PLEKHA6: variants seen among roughly 807,000 people sequenced by gnomAD.
The protein encoded by PLEKHA6 is pleckstrin homology domain containing A6.
A neutral mutation model predicts 116.7 loss-of-function variants in PLEKHA6; 60 were observed. That is an observed-to-expected ratio of 0.51 (90% confidence interval 0.42 to 0.64). The LOEUF (loss-of-function observed/expected upper bound fraction) is 0.64, where lower values mean the gene tolerates loss of function less well. PLEKHA6 is among the 30% of genes least tolerant of loss of function. The pLI is 0.00. For missense variants in PLEKHA6, 1,338 were observed against 1,422.7 expected (o/e 0.94, Z 0.96); for synonymous variants, 489 against 556.1 (o/e 0.88, Z 1.70).
rs143479629 is a variant in PLEKHA6, at chr1:204,339,204, C to T, written c.-95+20490G>A. 5.5e-3 allele frequency among the ~76,000 whole-genome samples: 841 copies of T among 152,332 alleles called. 8 individuals carry two copies. The highest frequency in any genetic ancestry group is 0.018 in the African/African-American group (767 of 41,578). On this transcript the variant is annotated intron_variant, in intron 1 of 22. Coordinates refer to ENST00000272203, the MANE Select transcript of PLEKHA6 (RefSeq NM_014935.5). Reference sequence around the variant, plus strand: ...CCCCGATGACAGCTGGCATCCTTTGCCAGACATGTGAGGAGCCTCCCTGGC... The same window carrying T: ...CCCCGATGACAGCTGGCATCCTTTGTCAGACATGTGAGGAGCCTCCCTGGC...
chr1:204,343,414 T>A (rs1263342814), intron 1 of PLEKHA6, among the ~76,000 whole-genome samples: 1 of 152,162 alleles, frequency 6.6e-6, no homozygotes. Flanking sequence ...ATTTTACAGA[T>A]GACTAAACCA....
intron 1 of PLEKHA6, chr1:204,280,187 TC>T: frequency 2.2e-6 from 1 of 450,340 alleles, no homozygotes; most frequent in Non-Finnish European, 2.9e-6. Context: ...TCAAGAGACA[TC>T]CTCAACCCCT....
At position 204,259,125 on chromosome 1, in the gene PLEKHA6, A is replaced by C; in HGVS notation, c.1007+133T>G. The C allele has an allele frequency of 9.8e-7, 1 of 1,017,060 alleles. No homozygotes were observed. The highest frequency in any genetic ancestry group is 1.4e-6 in the Non-Finnish European group (1 of 707,744). The allele number at this position is 1,017,060 out of a possible 1,614,324, so 63.0% of individuals were successfully genotyped here. On this transcript the variant is annotated intron_variant, in intron 8 of 22. Coordinates refer to ENST00000272203, the MANE Select transcript of PLEKHA6 (RefSeq NM_014935.5). This position sits in a 1 kb window ranked among gnomAD's most constrained non-coding sequence, Gnocchi z 4.6. ...ATTTGGGCAAGCCAGGAAGCATGGG[A>C]TTTGCTTGGTTTCCCAACTCAGCCT...
intron 1 of PLEKHA6, among the ~76,000 whole-genome samples, chr1:204,355,821 G>C (rs778319064): frequency 3.6e-4 from 55 of 152,118 alleles, no homozygotes; most frequent in Non-Finnish European, 6.3e-4. Context: ...TTATTACATG[G>C]ACATATTATA....
intron 1 of PLEKHA6, among the ~76,000 whole-genome samples, chr1:204,357,464 T>C (rs1041616516): frequency 6.6e-6 from 1 of 152,342 alleles, no homozygotes; most frequent in South Asian, 2.1e-4. Context: ...TCCCAAAATA[T>C]AGTCTTTTTT....
chr1:204,328,046 TTTTATTTATTTATTTATTTATTTA>T (rs200664605), intron 1 of PLEKHA6, among the ~76,000 whole-genome samples: 29 of 142,522 alleles, frequency 2.0e-4, no homozygotes, highest in Admixed American at 9.1e-4. Context: ...CTTTTATTTA[TTTTATTTATTTATTTATTTATTTA>T]TTTATTTATT....
In PLEKHA6 at chr1:204,299,612, C is replaced by T. The variant is rs1347867907; in HGVS notation, c.-94-24803G>A. The T allele has an allele frequency of 7.1e-6, 7 of 983,172 alleles. No individual in the cohort carries two copies. The East Asian group carries it at 3.4e-4, about 48-fold the overall frequency. 60.9% of individuals were successfully genotyped at this position (983,172 alleles called of 1,614,324 possible). On this transcript the variant is annotated intron_variant, in intron 1 of 22. Transcript: ENST00000272203. The stretch of plus-strand genomic sequence containing the variant: ...CCATTATTGAGGGGAGAAAACATCT[C>T]GCATTCTTTCTCCTGCACTTTCCAA...
chr1:204,327,875 C>T (rs1572186075), intron 1 of PLEKHA6, among the ~76,000 whole-genome samples: 3 of 152,330 alleles, frequency 2.0e-5, no homozygotes, highest in Admixed American at 2.0e-4. Context: ...GCTGGGATGG[C>T]TGGCTTTCCT....
intron 13 of PLEKHA6, among the ~76,000 whole-genome samples, chr1:204,246,269 G>A (rs534328709): frequency 1.3e-5 from 2 of 152,026 alleles, no homozygotes; most frequent in Non-Finnish European, 2.9e-5. Context: ...AACTCATTTC[G>A]GCTGCATGAC....
At position 204,256,485 on chromosome 1, in the gene PLEKHA6, G is replaced by A. The variant is rs139829486; in HGVS notation, c.1524+868C>T. Among the ~76,000 whole-genome samples the A allele has an allele frequency of 3.9e-5, 6 of 152,254 alleles. No homozygotes were observed. The South Asian group carries it at 6.2e-4, about 16-fold the overall frequency. ...TAGAAGATCTTGCTTCTTGTTAGGAGCTCTGGCCTGATTTTTCCTGCCTAG... is the reference window on the plus strand; with the variant it reads ...TAGAAGATCTTGCTTCTTGTTAGGAACTCTGGCCTGATTTTTCCTGCCTAG... On this transcript the variant is annotated intron_variant, in intron 9 of 22. Transcript: ENST00000272203.
rs1437698827 is a variant in PLEKHA6, at chr1:204,221,543, T to A, written c.*1245A>T. On this transcript the variant is annotated 3_prime_UTR_variant, in exon 23 of 23. Transcript: ENST00000272203. Reference sequence around the variant, plus strand: ...CAGTCCTCGTCTGGGATGCCTGGGATAGGGGGATAGGCCTCCCAGATTAAG... The same window carrying A: ...CAGTCCTCGTCTGGGATGCCTGGGAAAGGGGGATAGGCCTCCCAGATTAAG... The A allele has an allele frequency of 6.6e-6, 1 of 152,604 alleles. No homozygotes were observed. The highest frequency in any genetic ancestry group is 1.5e-5 in the Non-Finnish European group (1 of 68,018). The allele number at this position is 152,604 out of a possible 1,614,324, so 9.5% of individuals were successfully genotyped here. A position where few individuals can be genotyped will look rare whatever the true frequency, so the allele number is the denominator to read the frequency against.
rs557180500 is a variant in PLEKHA6, at chr1:204,264,855, T to C, written c.381+87A>G. ...CACCACCTGGGATTCCTTAGAGCGA[T>C]GGCTCTTGGCCCTTCTCCATTCCCA... On this transcript the variant is annotated intron_variant, in intron 6 of 22. Transcript: ENST00000272203. 3.7e-5 allele frequency: 36 copies of C among 974,986 alleles called. No homozygotes were observed. In the East Asian group the frequency reaches 7.6e-4, roughly 21 times the overall value. The allele number at this position is 974,986 out of a possible 1,614,324, so 60.4% of individuals were successfully genotyped here.
intron 1 of PLEKHA6, among the ~76,000 whole-genome samples, chr1:204,375,786 T>C (rs1673858406): frequency 6.6e-6 from 1 of 151,760 alleles, no homozygotes; most frequent in Admixed American, 6.6e-5. Context: ...TTCCTACTTT[T>C]TCTCCTGGTC....
At chr1:204,266,621 C>T (rs891315631) in intron 5 of PLEKHA6, among the ~76,000 whole-genome samples, 1 of 151,900 alleles carries the variant, frequency 6.6e-6, no homozygotes, top group African/African-American at 2.4e-5. Flanking sequence ...GGCTGCAATA[C>T]AGCAACCAGC....
rs1278191924 is a variant in PLEKHA6 at position 204,241,681 on chromosome 1, G to A, written c.2302+4C>T. 2 of 1,582,856 alleles carry A rather than the reference G, an allele frequency of 1.3e-6. No individual in the cohort carries two copies. The highest frequency in any genetic ancestry group is 1.7e-6 in the Non-Finnish European group (2 of 1,166,532). ...CTTCTAGGGGAAGATGGGACAGAAA[G>A]TACCTTTGTTGAGAGCTGCCTGCTT... On this transcript the variant is annotated splice_donor_region_variant and intron_variant, in intron 16 of 22. Coordinates refer to ENST00000272203, the MANE Select transcript of PLEKHA6 (RefSeq NM_014935.5).
chr1:204,369,770 C>G (rs1459067689), intron 2 of PLEKHA6: 2 of 152,196 alleles, frequency 1.3e-5, no homozygotes, highest in Non-Finnish European at 2.9e-5. Flanking sequence ...ATCTTCCACT[C>G]CTACCTAGGA....
chr1:204,346,675 A>G, intron 1 of PLEKHA6: 1 of 693,422 alleles, frequency 1.4e-6, no homozygotes, highest in East Asian at 2.7e-5. Flanking sequence ...CCATCACCTC[A>G]GAAACAGACT....
chr1:204,231,756 T>C (rs1340692653), intron 17 of PLEKHA6, among the ~76,000 whole-genome samples: 1 of 152,076 alleles, frequency 6.6e-6, no homozygotes, highest in Admixed American at 6.6e-5. Flanking sequence ...TTATTATTTG[T>C]AGAGATGAGG....
intron 1 of PLEKHA6, among the ~76,000 whole-genome samples, chr1:204,349,983 A>T (rs1445304299): frequency 6.6e-6 from 1 of 152,260 alleles, no homozygotes; most frequent in Non-Finnish European, 1.5e-5. Flanking sequence ...GTGCTCCTGG[A>T]ATGTATTTCT....
Sources: gnomAD v4.1 joint callset for allele counts (sites outside exome capture counted in the v4.1 genomes callset) on GRCh38, gnomAD v4.1.1 for gene constraint, Gnocchi (gnomAD v3.1) non-coding constraint, MANE v1.5 for transcripts, NCBI Gene and HGNC (gene_info 2026-07-23, HGNC 2026-07-21) for gene names.